The following LINC00305 variants were observed in gnomAD, a reference collection of about 807,000 sequenced individuals.
LINC00305 encodes long intergenic non-protein coding RNA 305.
At chr18:64,102,727 G>C (rs575411796) in intron 1 of LINC00305, among the ~76,000 whole-genome samples, 1 of 152,298 alleles carries the variant, frequency 6.6e-6, no homozygotes, top group African/African-American at 2.4e-5. Flanking sequence ...AGGGCAAAGG[G>C]GAAGCAGGCT....
rs143980785 is a variant in LINC00305 at position 64,099,954 on chromosome 18, T to C, written n.315-1314A>G. On this transcript the variant is annotated intron_variant and non_coding_transcript_variant, in intron 1 of 3. Transcript: ENST00000666468. The stretch of plus-strand genomic sequence containing the variant: ...GTGCAAAGCTGTAAGGTGTTCCGTG[T>C]TGCCCTGGGCATTAATATAAAGTGA... 1.1e-4 allele frequency among the ~76,000 whole-genome samples: 16 copies of C among 152,312 alleles called. 1 individual carries two copies. The East Asian group carries it at 3.1e-3, about 29-fold the overall frequency.
chr18:64,130,438 CT>C (rs2051404443), intron 1 of LINC00305, among the ~76,000 whole-genome samples: 2 of 152,102 alleles, frequency 1.3e-5, no homozygotes, highest in Non-Finnish European at 2.9e-5. Context: ...TATCATCCAC[CT>C]GTTCTACCTT....
At chr18:64,085,068 A>G (rs73469861) in intron 3 of LINC00305, among the ~76,000 whole-genome samples, 9,225 of 152,268 alleles carry the variant, frequency 0.061, 908 homozygotes, top group African/African-American at 0.21. Flanking sequence ...TGTGCATTCG[A>G]GGAGAGTTGA....
chr18:64,142,853 C>T (rs72949550), intron 1 of LINC00305, among the ~76,000 whole-genome samples: 10,712 of 152,130 alleles, frequency 0.07, 559 homozygotes, highest in Non-Finnish European at 0.11. Flanking sequence ...GAGATGGATG[C>T]ATGCCATAGA....
At chr18:64,112,116 CTG>C (rs1430905644) in intron 1 of LINC00305, among the ~76,000 whole-genome samples, 2 of 152,106 alleles carry the variant, frequency 1.3e-5, no homozygotes, top group Non-Finnish European at 2.9e-5. Flanking sequence ...TCAGTAAACA[CTG>C]TGTGATACAA....
At chr18:64,122,083 T>C (rs2051364448) in intron 1 of LINC00305, among the ~76,000 whole-genome samples, 1 of 152,170 alleles carries the variant, frequency 6.6e-6, no homozygotes, top group Admixed American at 6.6e-5. Context: ...TTTCTAGGTA[T>C]GAATCCTCTG....
chr18:64,113,219 G>C (rs1013137166), intron 1 of LINC00305, among the ~76,000 whole-genome samples: 5 of 152,216 alleles, frequency 3.3e-5, no homozygotes, highest in African/African-American at 1.2e-4. Flanking sequence ...ATTTCACTCT[G>C]CCACTTACTG....
chr18:64,088,548 G>A (rs2051213018), intron 3 of LINC00305, among the ~76,000 whole-genome samples: 1 of 152,206 alleles, frequency 6.6e-6, no homozygotes, highest in Non-Finnish European at 1.5e-5. Context: ...AAGTGGTAGA[G>A]CCAGGACTCA....
chr18:64,110,608 A>G (rs939722137), intron 1 of LINC00305, among the ~76,000 whole-genome samples: 8 of 152,142 alleles, frequency 5.3e-5, no homozygotes, highest in Admixed American at 2.0e-4. Flanking sequence ...GGCACAGAGG[A>G]CTTGGGGATC....
chr18:64,147,577 G>A (rs2051504033), intron 1 of LINC00305, among the ~76,000 whole-genome samples: 1 of 151,982 alleles, frequency 6.6e-6, no homozygotes, highest in African/African-American at 2.4e-5. Context: ...CCCTATTCTG[G>A]CTGAAAATGT....
intron 3 of LINC00305, among the ~76,000 whole-genome samples, chr18:64,080,998 AT>A (rs1269125185): frequency 6.6e-6 from 1 of 152,240 alleles, no homozygotes; most frequent in East Asian, 1.9e-4. Context: ...TGGTCTCAAG[AT>A]ACAAATTATC....
chr18:64,098,525 T>C (rs927366426), intron 2 of LINC00305: 2 of 436,118 alleles, frequency 4.6e-6, no homozygotes, highest in Admixed American at 2.8e-5. Context: ...ATAGGGTTAA[T>C]TTTTTTCTTA....
intron 1 of LINC00305, among the ~76,000 whole-genome samples, chr18:64,115,460 G>C (rs2051333441): frequency 6.6e-6 from 1 of 152,144 alleles, no homozygotes; most frequent in African/African-American, 2.4e-5. Context: ...ATTTGCAGGT[G>C]CATTTGTGTG....
At chr18:64,096,042 T>A (rs1038203855) in intron 3 of LINC00305, among the ~76,000 whole-genome samples, 2 of 151,804 alleles carry the variant, frequency 1.3e-5, no homozygotes, top group Non-Finnish European at 2.9e-5. Context: ...TAAAAAAAAA[T>A]ATTAAAAAAT....
chr18:64,136,718 C>T (rs1454988507), intron 1 of LINC00305, among the ~76,000 whole-genome samples: 1 of 152,086 alleles, frequency 6.6e-6, no homozygotes, highest in Non-Finnish European at 1.5e-5. Flanking sequence ...TCAGAAGAGA[C>T]AATATGAAGA....
chr18:64,116,379 A>C (rs1455482738), intron 1 of LINC00305, among the ~76,000 whole-genome samples: 1 of 152,194 alleles, frequency 6.6e-6, no homozygotes, highest in Non-Finnish European at 1.5e-5. Flanking sequence ...GTTTGCTCCT[A>C]ATGTTTTAAG....
intron 1 of LINC00305, among the ~76,000 whole-genome samples, chr18:64,143,475 C>G (rs1351605026): frequency 1.2e-5 from 1 of 80,662 alleles, no homozygotes; most frequent in Non-Finnish European, 2.4e-5. Flanking sequence ...ATCTGAAAAG[C>G]ATTGATGGTG....
exon 4 of LINC00305, chr18:64,080,057 A>G (rs2051178829): frequency 5.7e-6 from 1 of 176,544 alleles, no homozygotes; most frequent in South Asian, 1.2e-4. Flanking sequence ...GCAACATTCT[A>G]TTGAGAGATA....
chr18:64,102,006 C>T (rs552848816), intron 1 of LINC00305, among the ~76,000 whole-genome samples: 1 of 152,274 alleles, frequency 6.6e-6, no homozygotes, highest in African/African-American at 2.4e-5. Context: ...CTCAGTGTAA[C>T]TCCACACTAG....
Sources: allele counts gnomAD v4.1 joint callset (sites outside exome capture counted in the v4.1 genomes callset), GRCh38; gene constraint gnomAD v4.1.1; transcripts MANE v1.5; gene names NCBI Gene and HGNC (gene_info 2026-07-23, HGNC 2026-07-21).